MNAT1: variants seen among roughly 807,000 people sequenced by gnomAD.
MNAT1 encodes CDK-activating kinase assembly factor MAT1.
In MNAT1, 43 loss-of-function variants were observed where a neutral mutation model predicts 42.0. The observed-to-expected ratio is 1.02, with a 90% confidence interval of 0.80 to 1.32. The LOEUF (loss-of-function observed/expected upper bound fraction) is 1.32, where lower values mean the gene tolerates loss of function less well. Ranked by LOEUF, MNAT1 falls within the 40% of genes most tolerant of loss-of-function variation. The pLI, the probability that MNAT1 is intolerant of heterozygous loss-of-function variation, is 0.00. For synonymous variants in MNAT1, 118 were observed against 120.0 expected (o/e 0.98, Z 0.11); for missense variants, 306 against 350.4 (o/e 0.87, Z 1.01).
At chr14:60,765,260 A>G (rs1379136721) in intron 1 of MNAT1, among the ~76,000 whole-genome samples, 1 of 152,196 alleles carries the variant, frequency 6.6e-6, no homozygotes, top group East Asian at 1.9e-4. Context: ...ACTGCACTCC[A>G]GCTTGGGCAA....
intron 6 of MNAT1, among the ~76,000 whole-genome samples, chr14:60,873,109 T>C (rs1454701512): frequency 6.6e-6 from 1 of 152,102 alleles, no homozygotes; most frequent in Non-Finnish European, 1.5e-5. Flanking sequence ...TTCATGGCTG[T>C]TTTTTCCCTT....
At chr14:60,948,228 C>G (rs181951826) in intron 7 of MNAT1, among the ~76,000 whole-genome samples, 1 of 151,994 alleles carries the variant, frequency 6.6e-6, no homozygotes, top group East Asian at 1.9e-4. Context: ...GCCAGGAGTT[C>G]GAGAACACCC....
intron 1 of MNAT1, among the ~76,000 whole-genome samples, chr14:60,790,862 TTTTC>T (rs2031795468): frequency 6.6e-6 from 1 of 152,174 alleles, no homozygotes; most frequent in Non-Finnish European, 1.5e-5. Flanking sequence ...ATTAATGTTA[TTTTC>T]TTTCTATGTT....
intron 6 of MNAT1, among the ~76,000 whole-genome samples, chr14:60,835,908 A>G (rs1469218223): frequency 1.3e-5 from 2 of 151,900 alleles, no homozygotes; most frequent in African/African-American, 4.8e-5. Flanking sequence ...ATAGTCCCAT[A>G]TTTCTTGGAG....
At chr14:60,913,554 C>T (rs1418769783) in intron 7 of MNAT1, among the ~76,000 whole-genome samples, 2 of 152,110 alleles carry the variant, frequency 1.3e-5, no homozygotes, top group African/African-American at 4.8e-5. Flanking sequence ...CAGTCAGGAC[C>T]CTCAGCTGCA....
chr14:60,842,401 C>T (rs2033576077), intron 6 of MNAT1, among the ~76,000 whole-genome samples: 1 of 152,184 alleles, frequency 6.6e-6, no homozygotes, highest in Non-Finnish European at 1.5e-5. Context: ...TGGGTTACTT[C>T]TCTATGTATT....
At chr14:60,913,080 C>A (rs1163485039) in intron 7 of MNAT1, among the ~76,000 whole-genome samples, 2 of 152,132 alleles carry the variant, frequency 1.3e-5, no homozygotes, top group Non-Finnish European at 2.9e-5. Flanking sequence ...TTCATTTCAT[C>A]TTCCACCGCT....
At chr14:60,856,385 T>G (rs947938386) in intron 6 of MNAT1, among the ~76,000 whole-genome samples, 1 of 152,196 alleles carries the variant, frequency 6.6e-6, no homozygotes, top group African/African-American at 2.4e-5. Flanking sequence ...TCTTCAGTCC[T>G]ATGAAGACTG....
chr14:60,770,308 A>G (rs1348967274), intron 1 of MNAT1, among the ~76,000 whole-genome samples: 2 of 152,106 alleles, frequency 1.3e-5, no homozygotes, highest in East Asian at 1.9e-4. Flanking sequence ...TATATATAGT[A>G]TCCTTATCTA....
intron 7 of MNAT1, among the ~76,000 whole-genome samples, chr14:60,912,087 G>A (rs1439971578): frequency 1.3e-5 from 2 of 151,722 alleles, no homozygotes; most frequent in Non-Finnish European, 2.9e-5. Flanking sequence ...GGCCTTCTTT[G>A]TCTCTCTTGA....
At chr14:60,762,432 C>T (rs2030639346) in intron 1 of MNAT1, among the ~76,000 whole-genome samples, 1 of 151,928 alleles carries the variant, frequency 6.6e-6, no homozygotes, top group African/African-American at 2.4e-5. Flanking sequence ...GTAATCCCAG[C>T]AATTTAGGAG....
At chr14:60,867,557 T>C (rs996181027) in intron 6 of MNAT1, among the ~76,000 whole-genome samples, 1 of 152,168 alleles carries the variant, frequency 6.6e-6, no homozygotes, top group Non-Finnish European at 1.5e-5. Flanking sequence ...TGTGCATTTT[T>C]TTCTACTGGC....
intron 1 of MNAT1, among the ~76,000 whole-genome samples, chr14:60,757,377 A>T (rs1333343411): frequency 6.6e-6 from 1 of 152,046 alleles, no homozygotes; most frequent in Non-Finnish European, 1.5e-5. Flanking sequence ...GCAGTATTTT[A>T]GTGCATTTTT....
At position 60,932,716 on chromosome 14, in the gene MNAT1, T is replaced by C. The variant is rs530296069; in HGVS notation, c.810-35513T>C. 2.0e-5 allele frequency among the ~76,000 whole-genome samples: 3 copies of C among 152,196 alleles called. No homozygotes were observed. In the South Asian group the frequency reaches 6.2e-4, roughly 32 times the overall value. ...AATAGTTAAACATAATAGATGACCA[T>C]ACAGTTGTTATCTATTTCTTATCCT... On this transcript the variant is annotated intron_variant, in intron 7 of 7. Transcript: ENST00000261245.
intron 6 of MNAT1, among the ~76,000 whole-genome samples, chr14:60,867,729 C>G (rs1440103861): frequency 3.3e-5 from 5 of 152,056 alleles, no homozygotes; most frequent in Admixed American, 6.6e-5. Flanking sequence ...CTTATACACT[C>G]CCCCCTTCCT....
intron 1 of MNAT1, among the ~76,000 whole-genome samples, chr14:60,777,570 C>T (rs1318502375): frequency 1.3e-5 from 2 of 152,032 alleles, no homozygotes; most frequent in Admixed American, 1.3e-4. Context: ...TCTTTACCTT[C>T]ATATTGGATG....
chr14:60,779,149 G>C (rs1174973450), intron 1 of MNAT1, among the ~76,000 whole-genome samples: 14 of 152,190 alleles, frequency 9.2e-5, no homozygotes, highest in Non-Finnish European at 1.5e-5. Context: ...AATTGACTCT[G>C]ATCATTATCA....
At chr14:60,817,495 C>G (rs1175557233) in intron 5 of MNAT1, among the ~76,000 whole-genome samples, 1 of 151,878 alleles carries the variant, frequency 6.6e-6, no homozygotes, top group African/African-American at 2.4e-5. Flanking sequence ...TGTAACATTG[C>G]TCTTGCAAAA....
At chr14:60,962,972 CAT>C (rs2036622279) in intron 7 of MNAT1, among the ~76,000 whole-genome samples, 1 of 149,356 alleles carries the variant, frequency 6.7e-6, no homozygotes, top group Non-Finnish European at 1.5e-5. Context: ...TTCATGAAGC[CAT>C]ATGTTTTTTG....
Sources: allele counts gnomAD v4.1 joint callset (sites outside exome capture counted in the v4.1 genomes callset), GRCh38; gene constraint gnomAD v4.1.1; transcripts MANE v1.5; gene names NCBI Gene and HGNC (gene_info 2026-07-23, HGNC 2026-07-21).